NOSIP: variants seen among roughly 807,000 people sequenced by gnomAD.
The protein encoded by NOSIP is nitric oxide synthase-interacting protein.
Under a neutral mutation model 36.4 loss-of-function variants are expected in NOSIP, and 25 were observed. The observed-to-expected ratio is 0.69, with a 90% confidence interval of 0.50 to 0.96. The LOEUF is 0.96. Ranked by LOEUF, NOSIP falls within the 40% of genes least tolerant of loss-of-function variation. NOSIP has a pLI of 0.00. For missense variants in NOSIP, 370 were observed against 429.0 expected (o/e 0.86, Z 1.21); for synonymous variants, 187 against 179.2 (o/e 1.04, Z -0.35).
intron 1 of NOSIP, chr19:49,566,809 A>ATATT (rs1161209083): frequency 6.0e-5 from 9 of 149,642 alleles, no homozygotes; most frequent in African/African-American, 2.2e-4. Context: ...ATATATATAC[A>ATATT]CACATACTAT....
At chr19:49,570,842 G>A (rs2080474528) in intron 1 of NOSIP, among the ~76,000 whole-genome samples, 1 of 152,114 alleles carries the variant, frequency 6.6e-6, no homozygotes, top group Admixed American at 6.6e-5. Flanking sequence ...ATTTGGCTCT[G>A]GGCACCTCGG....
intron 1 of NOSIP, among the ~76,000 whole-genome samples, chr19:49,574,925 T>C (rs938968502): frequency 5.3e-5 from 8 of 150,038 alleles, no homozygotes; most frequent in East Asian, 2.0e-4. Flanking sequence ...TGCAGTGGCG[T>C]GATCTCGGCT....
chr19:49,557,026 C>T, intron 5 of NOSIP, 33 bp from the exon 6 acceptor site: 1 of 1,593,808 alleles, frequency 6.3e-7, no homozygotes, highest in Non-Finnish European at 8.6e-7. Flanking sequence ...AGATGCCGCC[C>T]CCTGGGCCCG....
intron 1 of NOSIP, among the ~76,000 whole-genome samples, chr19:49,567,993 T>C (rs1449846408): frequency 1.3e-5 from 2 of 152,106 alleles, no homozygotes; most frequent in Non-Finnish European, 2.9e-5. Context: ...GGGACTAATA[T>C]GTAGAATAGT....
chr19:49,556,840 G>A, intron 6 of NOSIP, 35 bp downstream of exon 6: 1 of 1,600,986 alleles, frequency 6.2e-7, no homozygotes, highest in South Asian at 1.1e-5. Context: ...CTGGCGCCCT[G>A]GCACCGTGCG....
chr19:49,575,491 CACCCAGGCAGT>C (rs2080539895), intron 1 of NOSIP, among the ~76,000 whole-genome samples: 1 of 152,194 alleles, frequency 6.6e-6, no homozygotes. Flanking sequence ...GAAAATGGGG[CACCCAGGCAGT>C]ATGCAACATG....
intron 1 of NOSIP, among the ~76,000 whole-genome samples, chr19:49,575,008 G>A (rs917797565): frequency 8.6e-5 from 13 of 151,812 alleles, no homozygotes; most frequent in African/African-American, 2.9e-4. Flanking sequence ...GACTACAGGC[G>A]CCCGCCACCA....
chr19:49,560,696 G>A lies in NOSIP; in HGVS notation c.-1-4C>T. On this transcript the variant is annotated splice_polypyrimidine_tract_variant and splice_region_variant and intron_variant, in intron 1 of 8. Coordinates refer to ENST00000596358, the MANE Select transcript of NOSIP (RefSeq NM_001270960.2). The surrounding 1 kb of genome is among the most constrained non-coding windows in gnomAD (Gnocchi z 4.6). The stretch of plus-strand genomic sequence containing the variant: ...GTTCTTGCCATGCCGCGTCATCCTA[G>A]GGAGGAAGGGACAGTGGCAGGACTG... The A allele has an allele frequency of 1.3e-6, 2 of 1,586,166 alleles. No homozygotes were observed. Among genetic ancestry groups the A allele is most frequent in the East Asian group, 2.3e-5 (1 of 43,780 alleles).
chr19:49,559,929 C>T lies in NOSIP; in HGVS notation c.176+5G>A. On this transcript the variant is annotated splice_donor_5th_base_variant and intron_variant, in intron 3 of 8. Transcript: ENST00000596358. ...CAGACCTACCCATCCCTGTTCCCAG[C>T]TCACGTGACAACAGGATCGTGGCAA... The T allele has an allele frequency of 6.2e-7, 1 of 1,605,334 alleles. No homozygotes were observed. Among genetic ancestry groups the T allele is most frequent in the Non-Finnish European group, 8.5e-7 (1 of 1,173,082 alleles).
intron 1 of NOSIP, among the ~76,000 whole-genome samples, chr19:49,568,473 G>A (rs2080439863): frequency 6.6e-6 from 1 of 152,134 alleles, no homozygotes; most frequent in African/African-American, 2.4e-5. Flanking sequence ...GCAGTTTCCT[G>A]GATTCACCTT....
chr19:49,558,417 T>TA (rs1402169675), intron 4 of NOSIP: 2 of 152,408 alleles, frequency 1.3e-5, no homozygotes, highest in African/African-American at 4.9e-5. Context: ...GGCTCAATTT[T>TA]TTTTTTTATT....
chr19:49,567,113 G>A lies in NOSIP; in HGVS notation c.-1-6421C>T, dbSNP rs1212790843. Among the ~76,000 whole-genome samples the A allele has an allele frequency of 2.6e-4, 36 of 138,896 alleles. 1 individual carries two copies. The South Asian group carries it at 8.2e-3, about 32-fold the overall frequency. The allele number at this position is 138,896 out of a possible 152,430, so 91.1% of individuals were successfully genotyped here. Reference sequence around the variant, plus strand: ...TTATAGGCATGAGCCACCGTGCCCAGCCAAAAAACTTTTTTTTTTTTTTTT... The same window carrying A: ...TTATAGGCATGAGCCACCGTGCCCAACCAAAAAACTTTTTTTTTTTTTTTT... On this transcript the variant is annotated intron_variant, in intron 1 of 8. Coordinates refer to ENST00000596358, the MANE Select transcript of NOSIP (RefSeq NM_001270960.2).
At chr19:49,564,547 G>A (rs1026831403) in intron 1 of NOSIP, among the ~76,000 whole-genome samples, 1 of 151,884 alleles carries the variant, frequency 6.6e-6, no homozygotes, top group African/African-American at 2.4e-5. Flanking sequence ...AGGGGTGCAG[G>A]CGAGGACATG....
chr19:49,574,241 CAG>C (rs1491348819), intron 1 of NOSIP, among the ~76,000 whole-genome samples: 1 of 152,134 alleles, frequency 6.6e-6, no homozygotes, highest in African/African-American at 2.4e-5. Context: ...AAACCAGCCT[CAG>C]GGGGGCTTTT....
In NOSIP at chr19:49,560,639, T is replaced by C; in HGVS notation, c.53A>G (p.Glu18Gly). 1 of 1,594,672 alleles carries C rather than the reference T, an allele frequency of 6.3e-7. No individual in the cohort carries two copies. The highest frequency in any genetic ancestry group is 8.5e-7 in the Non-Finnish European group (1 of 1,170,078). The part of the protein sequence containing the change: ...CTAGAVYTYH[E>G]KKKDTAASGY... ...CCCTGCACCTGTGTCCTTCTTCTTC[T>C]CGTGGTAGGTGTAGACGGCCCCTGC... The change falls in exon 2 of 9, where the codon GAG becomes GGG. Residue 18 changes from glutamate to glycine, a missense_variant. By Grantham distance (98) the Glu-to-Gly change is moderately conservative. Around this residue, in one of 3 missense-constraint regions of NOSIP, gnomAD observed 37 missense variants for 60.2 expected, o/e 0.61. Coordinates refer to ENST00000596358, the MANE Select transcript of NOSIP (RefSeq NM_001270960.2). The surrounding 1 kb of genome is among the most constrained non-coding windows in gnomAD (Gnocchi z 4.6).
At chr19:49,563,394 TTGAACTCCTGGACTCAAG>T (rs1170783667) in intron 1 of NOSIP, among the ~76,000 whole-genome samples, 1 of 152,164 alleles carries the variant, frequency 6.6e-6, no homozygotes, top group Non-Finnish European at 1.5e-5. Flanking sequence ...CAGGTTGGCC[TTGAACTCCTGGACTCAAG>T]TGAACTCCTG....
At chr19:49,559,794 A>T in intron 3 of NOSIP, 140 bp downstream of exon 3, 1 of 685,596 alleles carries the variant, frequency 1.5e-6, no homozygotes, top group Non-Finnish European at 2.7e-6. Context: ...GTCCCATGTG[A>T]GAATACAGAG....
At chr19:49,559,272 C>T in intron 3 of NOSIP, 1 of 357,236 alleles carries the variant, frequency 2.8e-6, no homozygotes, top group South Asian at 4.3e-5. Flanking sequence ...GCTTCATTCT[C>T]TCAGCAACAA....
intron 4 of NOSIP, chr19:49,557,730 T>C (rs1239050387): frequency 1.0e-6 from 1 of 992,490 alleles, no homozygotes; most frequent in Non-Finnish European, 1.2e-6. Flanking sequence ...AGCCCATGTC[T>C]ATGGACGGAC....
Sources: allele counts gnomAD v4.1 joint callset (sites outside exome capture counted in the v4.1 genomes callset), GRCh38; gene constraint gnomAD v4.1.1; regional missense constraint gnomAD v4.1.1; non-coding constraint Gnocchi (gnomAD v3.1); transcripts MANE v1.5; gene names NCBI Gene and HGNC (gene_info 2026-07-23, HGNC 2026-07-21).